Variants in RPS6KC1 observed in about 807,000 individuals in gnomAD.
RPS6KC1 encodes the protein ribosomal protein S6 kinase C1.
Under a neutral mutation model 103.8 loss-of-function variants are expected in RPS6KC1, and 54 were observed. The observed-to-expected ratio is 0.52, with a 90% CI of 0.42 to 0.65. The LOEUF (loss-of-function observed/expected upper bound fraction) is 0.65. Among genes scored for constraint, RPS6KC1 ranks in the 30% least tolerant of loss-of-function variants. The probability of loss-of-function intolerance (pLI) is 0.00; values close to 1 mark genes in which losing one functional copy is unlikely to be tolerated. For synonymous variants in RPS6KC1, 439 were observed against 438.7 expected (o/e 1.00, Z -0.01); for missense variants, 1,151 against 1,253.8 (o/e 0.92, Z 1.24).
intron 3 of RPS6KC1, among the ~76,000 whole-genome samples, chr1:213,100,302 G>C (rs529082034): frequency 1.1e-4 from 16 of 151,902 alleles, no homozygotes; most frequent in African/African-American, 3.4e-4. Flanking sequence ...CTATTTTGTG[G>C]GGCTGGAGTT....
chr1:213,859,567 G>T, the RPS6KC1 span, among the ~76,000 whole-genome samples: 1 of 152,188 alleles, frequency 6.6e-6, no homozygotes, highest in Non-Finnish European at 1.5e-5. Flanking sequence ...AAGAGGGTTT[G>T]TCTGTGTTTT....
intron 12 of RPS6KC1, among the ~76,000 whole-genome samples, chr1:213,250,750 A>G (rs2094531051): frequency 6.6e-6 from 1 of 152,146 alleles, no homozygotes; most frequent in African/African-American, 2.4e-5. Flanking sequence ...ATTAAAATGA[A>G]ATTTTATTCT....
intron 3 of RPS6KC1, among the ~76,000 whole-genome samples, chr1:213,093,123 G>A (rs143574778): frequency 6.6e-5 from 10 of 151,506 alleles, no homozygotes; most frequent in African/African-American, 2.4e-4. Context: ...AAATGGTACC[G>A]TTCATTTGTA....
the RPS6KC1 span, among the ~76,000 whole-genome samples, chr1:213,670,475 C>G: frequency 2.6e-5 from 4 of 152,312 alleles, no homozygotes; most frequent in East Asian, 7.7e-4. Context: ...TGAGAGTGTG[C>G]AAAGATCTGA....
chr1:213,727,935 G>T, the RPS6KC1 span, among the ~76,000 whole-genome samples: 7 of 152,172 alleles, frequency 4.6e-5, no homozygotes, highest in African/African-American at 1.4e-4. Flanking sequence ...GATAAAATGC[G>T]TATCTAAGAG....
chr1:213,809,454 T>C, the RPS6KC1 span, among the ~76,000 whole-genome samples: 5 of 152,208 alleles, frequency 3.3e-5, no homozygotes, highest in South Asian at 2.1e-4. Flanking sequence ...GAGCTCATGC[T>C]GTTGGAAAAA....
chr1:213,574,378 A>G, the RPS6KC1 span, among the ~76,000 whole-genome samples: 1 of 152,192 alleles, frequency 6.6e-6, no homozygotes, highest in African/African-American at 2.4e-5. Context: ...TCCTAAAGGC[A>G]TTTTCATTTT....
the RPS6KC1 span, among the ~76,000 whole-genome samples, chr1:213,423,877 G>A: frequency 6.6e-6 from 1 of 152,252 alleles, no homozygotes; most frequent in Non-Finnish European, 1.5e-5. Flanking sequence ...TTAGCGCGAT[G>A]TGAGCATTTC....
intron 12 of RPS6KC1, among the ~76,000 whole-genome samples, chr1:213,254,618 G>C (rs1350711350): frequency 6.6e-6 from 1 of 152,200 alleles, no homozygotes; most frequent in African/African-American, 2.4e-5. Flanking sequence ...AGGTCTGGCT[G>C]TTCTCATTTT....
chr1:213,305,929 G>T, the RPS6KC1 span, among the ~76,000 whole-genome samples: 1 of 152,192 alleles, frequency 6.6e-6, no homozygotes, highest in Non-Finnish European at 1.5e-5. Flanking sequence ...CTGAGGTCAG[G>T]AGACAGGTAC....
At chr1:213,176,221 C>G (rs1406062149) in intron 7 of RPS6KC1, among the ~76,000 whole-genome samples, 179 bp from the exon 8 acceptor site, 2 of 151,720 alleles carry the variant, frequency 1.3e-5, no homozygotes, top group Non-Finnish European at 2.9e-5. Context: ...TTTTGATTTT[C>G]TTTAGTTTTT....
the RPS6KC1 span, among the ~76,000 whole-genome samples, chr1:213,378,683 C>T: frequency 0.52 from 79,147 of 152,002 alleles, 22,798 homozygotes; most frequent in East Asian, 0.73. Context: ...TTTATTCATT[C>T]GTGAAATGAA....
the RPS6KC1 span, among the ~76,000 whole-genome samples, chr1:213,811,222 A>G: frequency 5.3e-5 from 8 of 152,302 alleles, no homozygotes; most frequent in African/African-American, 1.9e-4. Context: ...TTTCACCTTT[A>G]ATACTGATTT....
At chr1:213,712,942 G>A in the RPS6KC1 span, among the ~76,000 whole-genome samples, 4 of 152,144 alleles carry the variant, frequency 2.6e-5, no homozygotes, top group African/African-American at 9.7e-5. Flanking sequence ...CTGCAGACTG[G>A]AGCTGTTCCT....
chr1:213,674,826 G>A, the RPS6KC1 span, among the ~76,000 whole-genome samples: 2 of 151,936 alleles, frequency 1.3e-5, no homozygotes, highest in Admixed American at 6.6e-5. Context: ...TTTAATAATA[G>A]CCATTCAGAC....
rs1046730590 is a variant in RPS6KC1, at chr1:213,183,581, A to T, written c.1044+7089A>T. 2.4e-4 allele frequency among the ~76,000 whole-genome samples: 10 copies of T among 41,898 alleles called. 1 individual carries two copies. Among genetic ancestry groups the T allele is most frequent in the Admixed American group, 2.1e-3 (10 of 4,656 alleles). 27.5% of individuals were successfully genotyped at this position (41,898 alleles called of 152,430 possible). ...TGAAGAAGAATCTCAAAGGGTATTA[A>T]AAAAAAATGCATATAGTTGAATGAA... is the stretch of plus-strand genomic sequence containing the variant. On this transcript the variant is annotated intron_variant, in intron 8 of 14. Coordinates refer to ENST00000366960, the MANE Select transcript of RPS6KC1 (RefSeq NM_012424.6).
chr1:213,079,041 G>A (rs1324001123), intron 3 of RPS6KC1, among the ~76,000 whole-genome samples: 1 of 151,986 alleles, frequency 6.6e-6, no homozygotes, highest in Non-Finnish European at 1.5e-5. Flanking sequence ...GTATGATTTT[G>A]TAACCTGGTT....
chr1:213,822,218 C>T, the RPS6KC1 span: 1 of 152,144 alleles, frequency 6.6e-6, no homozygotes, highest in African/African-American at 2.4e-5. Context: ...CATTTGGTTT[C>T]CAGAGAACAC....
the RPS6KC1 span, among the ~76,000 whole-genome samples, chr1:213,433,784 T>G: frequency 6.6e-6 from 1 of 152,206 alleles, no homozygotes; most frequent in Non-Finnish European, 1.5e-5. Context: ...TTTTGCCCAT[T>G]TAAAAAATTA....
Sources: gnomAD v4.1 joint callset for allele counts (sites outside exome capture counted in the v4.1 genomes callset) on GRCh38, gnomAD v4.1.1 for gene constraint, MANE v1.5 for transcripts, NCBI Gene and HGNC (gene_info 2026-07-23, HGNC 2026-07-21) for gene names.